CTNNA2: variants seen among roughly 807,000 people sequenced by gnomAD.
CTNNA2 encodes the protein catenin alpha 2.
Under a neutral mutation model 101.0 loss-of-function variants are expected in CTNNA2, and 42 were observed. That is an observed-to-expected ratio of 0.42 (90% CI 0.32 to 0.54). The LOEUF (loss-of-function observed/expected upper bound fraction) is 0.54, where lower values mean the gene tolerates loss of function less well. CTNNA2 is among the 20% of genes least tolerant of loss of function. The probability of loss-of-function intolerance (pLI) is 0.14; values close to 1 mark genes in which losing one functional copy is unlikely to be tolerated. For synonymous variants in CTNNA2, 450 were observed against 456.4 expected (o/e 0.99, Z 0.18); for missense variants, 871 against 1,223.1 (o/e 0.71, Z 4.29).
intron 2 of CTNNA2, among the ~76,000 whole-genome samples, chr2:79,286,260 A>G: frequency 6.6e-6 from 1 of 152,034 alleles, no homozygotes; most frequent in Admixed American, 6.6e-5. Flanking sequence ...TTACATTTAA[A>G]GTTAATATTG....
intron 2 of CTNNA2, among the ~76,000 whole-genome samples, chr2:79,710,465 T>A (rs1314445355): frequency 6.6e-6 from 1 of 152,156 alleles, no homozygotes; most frequent in Non-Finnish European, 1.5e-5. Flanking sequence ...GGAAGAAATG[T>A]TATATTTGTT....
At chr2:80,563,326 T>C (rs985685389) in intron 12 of CTNNA2, among the ~76,000 whole-genome samples, 2 of 152,200 alleles carry the variant, frequency 1.3e-5, no homozygotes, top group Non-Finnish European at 2.9e-5. Flanking sequence ...AACTGCCACA[T>C]CAGTGATAGG....
chr2:80,214,618 C>T (rs998117447), intron 7 of CTNNA2, among the ~76,000 whole-genome samples: 9 of 151,996 alleles, frequency 5.9e-5, no homozygotes, highest in Non-Finnish European at 1.2e-4. Flanking sequence ...GTGGGTAACC[C>T]GACCTCTCTC....
intron 7 of CTNNA2, among the ~76,000 whole-genome samples, chr2:80,338,069 A>G (rs1053896049): frequency 1.3e-5 from 2 of 151,854 alleles, no homozygotes; most frequent in African/African-American, 4.8e-5. Flanking sequence ...GCTCACTGCA[A>G]CCTCTGCCTC....
chr2:79,351,512 G>A (rs1677386480), intron 3 of CTNNA2, among the ~76,000 whole-genome samples: 1 of 152,058 alleles, frequency 6.6e-6, no homozygotes, highest in Non-Finnish European at 1.5e-5. Flanking sequence ...CTGAGATTAG[G>A]AGTACAAATG....
chr2:80,235,689 C>T (rs11898215), intron 7 of CTNNA2, among the ~76,000 whole-genome samples: 1 of 152,046 alleles, frequency 6.6e-6, no homozygotes, highest in Non-Finnish European at 1.5e-5. Flanking sequence ...GGGAGAATTA[C>T]AGACACAGTC....
chr2:80,112,366 A>C (rs1349160675), intron 7 of CTNNA2, among the ~76,000 whole-genome samples: 1 of 152,228 alleles, frequency 6.6e-6, no homozygotes, highest in Non-Finnish European at 1.5e-5. Flanking sequence ...AGAGATCATA[A>C]AAAATATTTA....
chr2:79,308,333 ACAGCGCC>A (rs1227157751), intron 2 of CTNNA2, among the ~76,000 whole-genome samples: 10 of 152,222 alleles, frequency 6.6e-5, no homozygotes, highest in Non-Finnish European at 1.3e-4. Flanking sequence ...GTCATGAGCC[ACAGCGCC>A]CAGCCCATTT....
Position 79,444,181 on chromosome 2 carries a change from C to A in CTNNA2, c.-134-60873C>A, listed in dbSNP as rs532221388. Among the ~76,000 whole-genome samples, 44 of 152,188 alleles carry A rather than the reference C, an allele frequency of 2.9e-4. 1 individual carries two copies. In the South Asian group the frequency reaches 9.1e-3, roughly 32 times the overall value. ...TCCTAAAACAAAGGACCCAGATAAG[C>A]TGTGCTCCCATAACATGATGAGATG... is the stretch of plus-strand genomic sequence containing the variant. On this transcript the variant is annotated intron_variant, in intron 4 of 21. Coordinates refer to the CTNNA2 transcript ENST00000466387.
chr2:80,393,075 A>T, intron 7 of CTNNA2, 136 bp from the exon 8 acceptor site: 1 of 590,346 alleles, frequency 1.7e-6, no homozygotes, highest in East Asian at 3.1e-5. Context: ...AAATCATGTT[A>T]TAGTTATGTA....
intron 11 of CTNNA2, among the ~76,000 whole-genome samples, chr2:80,554,386 T>C (rs771452934): frequency 2.0e-5 from 3 of 152,250 alleles, no homozygotes; most frequent in Admixed American, 6.5e-5. Context: ...TTTAAAAATA[T>C]ATTTATCAAA....
chr2:79,762,375 A>G (rs1672850973), intron 3 of CTNNA2, among the ~76,000 whole-genome samples: 1 of 152,168 alleles, frequency 6.6e-6, no homozygotes. Flanking sequence ...GGAGTGCTTC[A>G]AGAAAATCCT....
chr2:80,306,769 A>G (rs1677066625), intron 7 of CTNNA2, among the ~76,000 whole-genome samples: 1 of 151,206 alleles, frequency 6.6e-6, no homozygotes, highest in African/African-American at 2.4e-5. Flanking sequence ...CTGTGAGTAC[A>G]CACCACCCAA....
intron 3 of CTNNA2, among the ~76,000 whole-genome samples, chr2:79,834,613 A>G (rs1037286788): frequency 2.2e-5 from 3 of 137,390 alleles, no homozygotes; most frequent in Non-Finnish European, 3.1e-5. Context: ...ACATTTTCAT[A>G]TTCAAACTTT....
At chr2:80,397,647 C>T (rs933077472) in intron 8 of CTNNA2, among the ~76,000 whole-genome samples, 1 of 152,184 alleles carries the variant, frequency 6.6e-6, no homozygotes, top group South Asian at 2.1e-4. Flanking sequence ...CAGGGTTGTG[C>T]GGCCTCCCCA....
At chr2:80,549,535 G>GAAA (rs1692382199) in intron 11 of CTNNA2, among the ~76,000 whole-genome samples, 1 of 151,976 alleles carries the variant, frequency 6.6e-6, no homozygotes, top group African/African-American at 2.4e-5. Context: ...AAAATATGTT[G>GAAA]CAATCAAATG....
intron 9 of CTNNA2, among the ~76,000 whole-genome samples, chr2:80,451,141 A>G (rs1683473188): frequency 6.6e-6 from 1 of 152,028 alleles, no homozygotes; most frequent in Non-Finnish European, 1.5e-5. Context: ...GTCATGTCTT[A>G]TAATACTGAC....
At chr2:79,633,778 C>CG (rs1679846274) in intron 1 of CTNNA2, 1 of 152,152 alleles carries the variant, frequency 6.6e-6, no homozygotes, top group African/African-American at 2.4e-5. Flanking sequence ...TACCCACTGA[C>CG]GACAGGTCAT....
chr2:80,235,396 A>G lies in CTNNA2; in HGVS notation c.1057-157815A>G, dbSNP rs538337025. On this transcript the variant is annotated intron_variant, in intron 7 of 18. Coordinates refer to ENST00000402739, the MANE Select transcript of CTNNA2 (RefSeq NM_001282597.3). ...GGCTGTTTCTGCTCTTGAAGGAACT[A>G]TCAATCACTGCAAACACTAATAACA... 1.4e-4 allele frequency among the ~76,000 whole-genome samples: 21 copies of G among 152,292 alleles called. 1 individual carries two copies. In the East Asian group the frequency reaches 3.9e-3, roughly 28 times the overall value.
Sources: allele counts gnomAD v4.1 joint callset (sites outside exome capture counted in the v4.1 genomes callset), GRCh38; gene constraint gnomAD v4.1.1; transcripts MANE v1.5; gene names NCBI Gene and HGNC (gene_info 2026-07-23, HGNC 2026-07-21).